The following ANKFN1 variants were observed in gnomAD, a reference collection of about 807,000 sequenced individuals.
ANKFN1 encodes the protein ankyrin repeat and fibronectin type-III domain-containing protein 1.
In ANKFN1, 74 loss-of-function variants were observed where a neutral mutation model predicts 108.7. That is an observed-to-expected ratio of 0.68 (90% CI 0.56 to 0.83). ANKFN1 has a LOEUF of 0.83. Among genes scored for constraint, ANKFN1 ranks in the 40% least tolerant of loss-of-function variants. ANKFN1 has a pLI of 0.00. For synonymous variants in ANKFN1, 547 were observed against 516.2 expected, an observed-to-expected ratio of 1.06 and a Z score of -0.81; for missense variants, 1,505 against 1,382.3, an observed-to-expected ratio of 1.09 and a Z score of -1.41.
Position 56,102,256 on chromosome 17 carries a change from A to C in ANKFN1, c.288+55931A>C, listed in dbSNP as rs374315499. Among the ~76,000 whole-genome samples the C allele has an allele frequency of 2.1e-4, 32 of 152,304 alleles. 1 individual carries two copies. In the East Asian group the frequency reaches 4.3e-3, roughly 20 times the overall value. On this transcript the variant is annotated intron_variant, in intron 4 of 12. Transcript: ENST00000635860. ...TTTTAACATCATTTTATCTGGAGCCATTCAGTGAAGGGGCAAACAATGCCT... is the reference window on the plus strand; with the variant it reads ...TTTTAACATCATTTTATCTGGAGCCCTTCAGTGAAGGGGCAAACAATGCCT...
chr17:56,298,553 C>G (rs2044582806), intron 3 of ANKFN1, among the ~76,000 whole-genome samples: 1 of 152,134 alleles, frequency 6.6e-6, no homozygotes, highest in South Asian at 2.1e-4. Flanking sequence ...TATTTACTGA[C>G]TTTCCCACCC....
At chr17:56,368,917 T>C (rs1183364663) in intron 6 of ANKFN1, among the ~76,000 whole-genome samples, 5 of 152,232 alleles carry the variant, frequency 3.3e-5, no homozygotes, top group Non-Finnish European at 5.9e-5. Context: ...TGTGATATAC[T>C]GGTTCACATC....
chr17:56,511,150 G>A lies in ANKFN1; in HGVS notation c.3322G>A (p.Ala1108Thr). Residue 1108 changes from alanine (A) to threonine (T), a missense_variant, in exon 21 of 21, where the codon GCA becomes ACA. Coordinates refer to ENST00000682825, the MANE Select transcript of ANKFN1 (RefSeq NM_001370326.1). ...AVVAQDEKPW[A>T]SLSPPSGGRI... ...GGTGGCCCAGGACGAAAAACCATGG[G>A]CAAGCTTGAGCCCGCCCTCTGGAGG... 6.5e-7 allele frequency: 1 copy of A among 1,536,068 alleles called. No individual in the cohort carries two copies. Among genetic ancestry groups the A allele is most frequent in the Non-Finnish European group, 8.7e-7 (1 of 1,146,880 alleles).
At chr17:56,198,294 C>A (rs1266624701) in intron 1 of ANKFN1, among the ~76,000 whole-genome samples, 1 of 152,210 alleles carries the variant, frequency 6.6e-6, no homozygotes, top group Non-Finnish European at 1.5e-5. Flanking sequence ...CTTTTACAAA[C>A]CATTGGACAG....
At chr17:56,381,740 A>G (rs917845093) in intron 8 of ANKFN1, among the ~76,000 whole-genome samples, 61 of 152,330 alleles carry the variant, frequency 4.0e-4, no homozygotes, top group African/African-American at 1.5e-3. Flanking sequence ...TAGAGAAAAA[A>G]GAATAAAAAG....
chr17:56,220,417 G>A (rs911122239), intron 2 of ANKFN1, among the ~76,000 whole-genome samples: 5 of 152,118 alleles, frequency 3.3e-5, no homozygotes, highest in Admixed American at 1.3e-4. Flanking sequence ...ACTTTGGGAG[G>A]CCAACTTGGC....
At chr17:56,316,283 T>A (rs1360409315) in intron 3 of ANKFN1, among the ~76,000 whole-genome samples, 1 of 152,152 alleles carries the variant, frequency 6.6e-6, no homozygotes, top group Non-Finnish European at 1.5e-5. Flanking sequence ...ATTCTCACTG[T>A]GATTAATTAC....
intron 1 of ANKFN1, among the ~76,000 whole-genome samples, chr17:56,164,366 T>A (rs1361928858): frequency 6.6e-6 from 1 of 152,174 alleles, no homozygotes; most frequent in African/African-American, 2.4e-5. Context: ...CATAGTTCGC[T>A]GCCCATCTCT....
intron 3 of ANKFN1, among the ~76,000 whole-genome samples, chr17:56,253,863 G>T (rs1202902353): frequency 6.6e-6 from 1 of 152,124 alleles, no homozygotes; most frequent in East Asian, 1.9e-4. Flanking sequence ...TAAAGGATTT[G>T]CTTTGATTGG....
At chr17:56,268,080 G>T (rs1366769222) in intron 3 of ANKFN1, among the ~76,000 whole-genome samples, 2 of 151,984 alleles carry the variant, frequency 1.3e-5, no homozygotes, top group Non-Finnish European at 2.9e-5. Context: ...TTCACCAAAT[G>T]AACCTAATAG....
At chr17:56,096,582 A>G (rs1259759646) in intron 4 of ANKFN1, among the ~76,000 whole-genome samples, 1 of 152,214 alleles carries the variant, frequency 6.6e-6, no homozygotes, top group African/African-American at 2.4e-5. Context: ...ATCACTAATC[A>G]TCAGAGAAAT....
chr17:56,057,729 T>C (rs1258951087), intron 4 of ANKFN1, among the ~76,000 whole-genome samples: 1 of 151,976 alleles, frequency 6.6e-6, no homozygotes, highest in African/African-American at 2.4e-5. Context: ...GAGGTTGCAG[T>C]GAGCCAAGAT....
intron 4 of ANKFN1, among the ~76,000 whole-genome samples, chr17:56,336,216 G>A (rs1442897489): frequency 6.6e-6 from 1 of 152,174 alleles, no homozygotes; most frequent in African/African-American, 2.4e-5. Flanking sequence ...GTATCAGGAT[G>A]ATGCTGGCTT....
At chr17:56,389,049 C>A (rs2047356796) in intron 8 of ANKFN1, among the ~76,000 whole-genome samples, 2 of 151,118 alleles carry the variant, frequency 1.3e-5, no homozygotes, top group Non-Finnish European at 2.9e-5. Flanking sequence ...TACCATACAT[C>A]CTACCACTTG....
intron 8 of ANKFN1, among the ~76,000 whole-genome samples, chr17:56,431,511 C>T (rs538026144): frequency 1.3e-5 from 2 of 152,188 alleles, no homozygotes; most frequent in East Asian, 3.9e-4. Flanking sequence ...GAAGATTGTC[C>T]TCCCCATATC....
intron 15 of ANKFN1, among the ~76,000 whole-genome samples, chr17:56,467,532 T>G (rs111334231): frequency 1.9e-3 from 284 of 151,410 alleles, no homozygotes; most frequent in African/African-American, 6.2e-3. Context: ...ATACAAAAAT[T>G]AGCCAGTTGT....
chr17:56,272,062 A>G (rs2043808094), intron 3 of ANKFN1, among the ~76,000 whole-genome samples: 1 of 152,240 alleles, frequency 6.6e-6, no homozygotes, highest in South Asian at 2.1e-4. Flanking sequence ...CAATATTAGG[A>G]CAATATTAGA....
At chr17:56,080,653 G>A (rs906823473) in intron 4 of ANKFN1, among the ~76,000 whole-genome samples, 1 of 152,212 alleles carries the variant, frequency 6.6e-6, no homozygotes, top group Non-Finnish European at 1.5e-5. Flanking sequence ...CCACCGCCAT[G>A]TTAACCATGT....
chr17:56,061,560 A>G (rs893480371), intron 4 of ANKFN1, among the ~76,000 whole-genome samples: 1 of 152,148 alleles, frequency 6.6e-6, no homozygotes, highest in African/African-American at 2.4e-5. Context: ...GGCATGAGCC[A>G]CCACACCCAG....
Sources: gnomAD v4.1 joint callset for allele counts (sites outside exome capture counted in the v4.1 genomes callset) on GRCh38, gnomAD v4.1.1 for gene constraint, MANE v1.5 for transcripts, NCBI Gene and HGNC (gene_info 2026-07-23, HGNC 2026-07-21) for gene names.